ADAMTSL1: variants seen among roughly 807,000 people sequenced by gnomAD.
ADAMTSL1 encodes ADAMTS-like protein 1.
ADAMTSL1 carries 126 observed loss-of-function variants against 201.8 expected under a neutral mutation model. The ratio of observed to expected loss-of-function variants is 0.62; its 90% confidence interval spans 0.54 to 0.72. ADAMTSL1 has a LOEUF of 0.72. Ranked by LOEUF, ADAMTSL1 falls within the 30% of genes least tolerant of loss-of-function variation. ADAMTSL1 has a pLI of 0.00. For synonymous variants in ADAMTSL1, 1,121 were observed against 903.4 expected, an observed-to-expected ratio of 1.24 and a Z score of -4.32; for missense variants, 2,679 against 2,277.8, an observed-to-expected ratio of 1.18 and a Z score of -3.59.
intron 7 of ADAMTSL1, among the ~76,000 whole-genome samples, chr9:18,647,517 G>C (rs935157915): frequency 1.3e-5 from 2 of 151,866 alleles, no homozygotes; most frequent in Non-Finnish European, 2.9e-5. Context: ...TTCTCTTGTG[G>C]GCATTTAGTG....
intron 4 of ADAMTSL1, among the ~76,000 whole-genome samples, chr9:18,592,871 T>A (rs1824016350): frequency 6.6e-6 from 1 of 152,192 alleles, no homozygotes; most frequent in Non-Finnish European, 1.5e-5. Context: ...TCTTTTTTCA[T>A]TTTTTGGTGT....
chr9:18,261,770 G>T (rs1352565896), intron 2 of ADAMTSL1, among the ~76,000 whole-genome samples: 1 of 152,124 alleles, frequency 6.6e-6, no homozygotes, highest in South Asian at 2.1e-4. Flanking sequence ...AGCAAGAAGA[G>T]AACTATTGTA....
intron 2 of ADAMTSL1, among the ~76,000 whole-genome samples, chr9:18,439,738 A>G (rs1819915075): frequency 1.3e-5 from 2 of 152,196 alleles, no homozygotes; most frequent in South Asian, 2.1e-4. Context: ...ACTCTAATGT[A>G]GTGCCTGGCT....
chr9:18,164,982 C>T (rs1827569354), intron 2 of ADAMTSL1, among the ~76,000 whole-genome samples: 1 of 151,772 alleles, frequency 6.6e-6, no homozygotes, highest in Non-Finnish European at 1.5e-5. Context: ...CCAGTGTGAG[C>T]AAGAATGGTG....
At chr9:17,963,967 A>T (rs1588486961) in intron 1 of ADAMTSL1, among the ~76,000 whole-genome samples, 1 of 152,132 alleles carries the variant, frequency 6.6e-6, no homozygotes, top group East Asian at 1.9e-4. Context: ...TCATAGATTT[A>T]TGTCTCTCAA....
intron 17 of ADAMTSL1, among the ~76,000 whole-genome samples, chr9:18,773,332 C>G (rs10811029): frequency 0.12 from 18,044 of 152,178 alleles, 1,400 homozygotes; most frequent in East Asian, 0.27. Context: ...AACCCTCAAT[C>G]TCCTGAAAGA....
chr9:18,545,584 A>G (rs1820421446), intron 3 of ADAMTSL1, among the ~76,000 whole-genome samples: 1 of 152,158 alleles, frequency 6.6e-6, no homozygotes, highest in Non-Finnish European at 1.5e-5. Context: ...GAAAAAGCAA[A>G]TCCAAGAATC....
chr9:18,640,607 C>T (rs1396818593), intron 7 of ADAMTSL1, among the ~76,000 whole-genome samples: 1 of 151,996 alleles, frequency 6.6e-6, no homozygotes, highest in African/African-American at 2.4e-5. Flanking sequence ...ACAACAAGCC[C>T]GACATGCGTA....
At chr9:18,219,157 T>C (rs980459316) in intron 2 of ADAMTSL1, among the ~76,000 whole-genome samples, 3 of 151,870 alleles carry the variant, frequency 2.0e-5, no homozygotes, top group Non-Finnish European at 4.4e-5. Flanking sequence ...GCCATATTAT[T>C]ACTCTTTTCA....
intron 2 of ADAMTSL1, among the ~76,000 whole-genome samples, chr9:18,524,320 G>T (rs1194107465): frequency 9.9e-5 from 15 of 152,278 alleles, no homozygotes; most frequent in East Asian, 7.7e-4. Context: ...AAGTTGCTTA[G>T]CAGCTTAAGG....
chr9:18,102,691 C>T (rs1824583893), intron 1 of ADAMTSL1, among the ~76,000 whole-genome samples: 1 of 152,116 alleles, frequency 6.6e-6, no homozygotes, highest in Non-Finnish European at 1.5e-5. Context: ...GGCGTGTGTC[C>T]AGTCAGTACC....
At chr9:18,266,829 C>T (rs1446399289) in intron 2 of ADAMTSL1, among the ~76,000 whole-genome samples, 1 of 152,050 alleles carries the variant, frequency 6.6e-6, no homozygotes, top group Non-Finnish European at 1.5e-5. Flanking sequence ...TTTCTCCAGA[C>T]AGATGAAAAA....
chr9:18,471,255 T>C (rs1003505368), upstream of ADAMTSL1, among the ~76,000 whole-genome samples: 6 of 152,188 alleles, frequency 3.9e-5, no homozygotes, highest in African/African-American at 1.4e-4. Context: ...CATCTGAATA[T>C]ATGTATGTGT....
intron 16 of ADAMTSL1, among the ~76,000 whole-genome samples, chr9:18,761,285 C>A (rs766471834): frequency 3.3e-4 from 50 of 152,186 alleles, no homozygotes; most frequent in Non-Finnish European, 6.8e-4. Context: ...AATTTCAATA[C>A]AGGCAGAATT....
chr9:18,885,437 CT>C (rs1439056065), intron 23 of ADAMTSL1, among the ~76,000 whole-genome samples: 1 of 152,274 alleles, frequency 6.6e-6, no homozygotes, highest in East Asian at 1.9e-4. Flanking sequence ...GTATTTTCTT[CT>C]TTTTGATGCT....
chr9:18,243,649 C>A (rs141728987), intron 2 of ADAMTSL1, among the ~76,000 whole-genome samples: 2 of 152,042 alleles, frequency 1.3e-5, no homozygotes, highest in Non-Finnish European at 2.9e-5. Context: ...TTTCCTTAAG[C>A]CTTCCTGCTC....
chr9:18,330,361 T>C (rs556681019), intron 2 of ADAMTSL1, among the ~76,000 whole-genome samples: 2 of 152,230 alleles, frequency 1.3e-5, no homozygotes, highest in East Asian at 3.9e-4. Context: ...CTTGCATCCA[T>C]TGGCATTGTA....
chr9:17,967,605 A>G (rs1005826102), intron 1 of ADAMTSL1, among the ~76,000 whole-genome samples: 17 of 152,238 alleles, frequency 1.1e-4, no homozygotes, highest in African/African-American at 3.8e-4. Flanking sequence ...TCCAATATAG[A>G]TCATACAGCC....
chr9:18,251,106 A>T (rs1424010871), intron 2 of ADAMTSL1, among the ~76,000 whole-genome samples: 2 of 152,164 alleles, frequency 1.3e-5, no homozygotes, highest in African/African-American at 2.4e-5. Context: ...ACTAAAAAAA[A>T]GTATAATTAA....
Sources: allele counts gnomAD v4.1 joint callset (sites outside exome capture counted in the v4.1 genomes callset), GRCh38; gene constraint gnomAD v4.1.1; transcripts MANE v1.5; gene names NCBI Gene and HGNC (gene_info 2026-07-23, HGNC 2026-07-21).